Variants in SMG1 observed in about 807,000 individuals in gnomAD.
The protein encoded by SMG1 is SMG1 nonsense mediated mRNA decay associated PI3K related kinase.
A neutral mutation model predicts 419.9 loss-of-function variants in SMG1; 22 were observed. That is an observed-to-expected ratio of 0.05 (90% CI 0.04 to 0.07). SMG1 has a LOEUF of 0.07. SMG1 is among the 10% of genes least tolerant of loss of function. The pLI, the probability that SMG1 is intolerant of heterozygous loss-of-function variation, is 1.00. For synonymous variants in SMG1, 1,538 were observed against 1,553.5 expected (o/e 0.99, Z 0.23); for missense variants, 3,185 against 4,342.0 (o/e 0.73, Z 7.49).
Position 18,849,973 on chromosome 16 carries a change from T to C in SMG1, c.5437A>G (p.Thr1813Ala). The C allele has an allele frequency of 3.1e-6, 5 of 1,613,974 alleles. No individual in the cohort carries two copies. Among genetic ancestry groups the C allele is most frequent in the Middle Eastern group, 1.6e-4 (1 of 6,062 alleles). ...CCTCTCCATGGTGCAGTGGGTGTTG[T>C]CTCCAAGCCGTGCTCCAGATACTGC... ...LRQYLEHGLETTPTAPWRGII... is the reference protein window; with the variant it reads ...LRQYLEHGLEATPTAPWRGII... The change falls in exon 35 of 63, where the codon ACA (threonine) becomes GCA (alanine). Residue 1813 changes from threonine (T) to alanine (A), a missense_variant. Physicochemically the swap from Thr to Ala is moderately conservative, Grantham distance 58. Transcript: ENST00000446231.
rs752599289 is a variant in SMG1 at position 18,853,864 on chromosome 16, T to C, written c.4487A>G (p.Gln1496Arg). 7 of 1,606,304 alleles carry C rather than the reference T, an allele frequency of 4.4e-6. No individual in the cohort carries two copies. The Admixed American group carries it at 6.8e-5, about 16-fold the overall frequency. Reference protein sequence around the residue: ...EKTKLLYTAGQSTHAMEMLSS... With the variant: ...EKTKLLYTAGRSTHAMEMLSS... ...CAACATTTCCATTGCATGTGTTGACTGGCCTACAGAAAACCACAAAGTCAG... is the reference window on the plus strand; with the variant it reads ...CAACATTTCCATTGCATGTGTTGACCGGCCTACAGAAAACCACAAAGTCAG... The change falls in exon 31 of 63, where the codon CAG becomes CGG. Residue 1496 changes from glutamine (Q) to arginine (R), a missense_variant. Coordinates refer to ENST00000446231, the MANE Select transcript of SMG1 (RefSeq NM_015092.5).
chr16:18,879,208 T>C (rs2036277543), intron 11 of SMG1: 2 of 416,880 alleles, frequency 4.8e-6, no homozygotes, highest in Non-Finnish European at 9.0e-6. Context: ...CTCAAGTTCC[T>C]GGGCTTAATC....
chr16:18,812,653 CACACACACATATAT>C (rs2031567110), intron 60 of SMG1, among the ~76,000 whole-genome samples: 1 of 147,344 alleles, frequency 6.8e-6, no homozygotes, highest in African/African-American at 2.5e-5. Context: ...CATATACACA[CACACACACATATAT>C]ATATACACAC....
chr16:18,815,431 C>G lies in SMG1; in HGVS notation c.10514+9G>C, dbSNP rs748135452. On this transcript the variant is annotated intron_variant, in intron 59 of 62. Transcript: ENST00000446231. ...TGTTTTATAAATTCTGACCAGAAGG[C>G]ATTCTTACCTCTGACTTTGTGTTTT... 3 of 1,612,776 alleles carry G rather than the reference C, an allele frequency of 1.9e-6. No individual in the cohort carries two copies. Among genetic ancestry groups the G allele is most frequent in the Admixed American group, 1.7e-5 (1 of 60,006 alleles).
chr16:18,838,336 G>A (rs1185301661), intron 44 of SMG1, 21 bp downstream of exon 44: 2 of 1,604,612 alleles, frequency 1.2e-6, no homozygotes, highest in Non-Finnish European at 1.7e-6. Context: ...ACACTAAAAG[G>A]GAGAAGAGAA....
At chr16:18,913,930 C>A (rs2037878332) in intron 1 of SMG1, among the ~76,000 whole-genome samples, 1 of 151,942 alleles carries the variant, frequency 6.6e-6, no homozygotes. Flanking sequence ...CTTCGGGAAG[C>A]CAAGGCAGGG....
intron 1 of SMG1, among the ~76,000 whole-genome samples, chr16:18,909,037 A>T (rs1009790094): frequency 2.0e-5 from 3 of 151,706 alleles, no homozygotes; most frequent in African/African-American, 7.3e-5. Flanking sequence ...ACATATGTTA[A>T]ATCTTCTCTT....
chr16:18,829,217 A>G, intron 54 of SMG1, 69 bp downstream of exon 54: 2 of 1,315,000 alleles, frequency 1.5e-6, no homozygotes, highest in East Asian at 4.9e-5. Flanking sequence ...GTATTGTTTT[A>G]AATTAATTTC....
In SMG1 at chr16:18,853,802, C is replaced by T. The variant is rs976331235; in HGVS notation, c.4549G>A (p.Ala1517Thr). The stretch of plus-strand genomic sequence containing the variant: ...ATTGATTTAGCAACTGCATATTCAG[C>T]TTTCACAGACTTGCAGAAAGATATG... ...CAISFCKSVK[A>T]EYAVAKSILT... The change falls in exon 31 of 63, where the codon GCT becomes ACT. Residue 1517 changes from alanine to threonine, a missense_variant. By Grantham distance (58) the Ala-to-Thr change is moderately conservative. Transcript: ENST00000446231. 2 of 1,613,584 alleles carry T rather than the reference C, an allele frequency of 1.2e-6. No homozygotes were observed. Among genetic ancestry groups the T allele is most frequent in the Non-Finnish European group, 1.7e-6 (2 of 1,179,694 alleles).
chr16:18,853,925 G>A (rs898816356), intron 30 of SMG1, 58 bp from the exon 31 acceptor site: 3 of 1,425,944 alleles, frequency 2.1e-6, no homozygotes, highest in South Asian at 2.7e-5. Context: ...ATGGAGGGAG[G>A]CACTTGGATT....
At chr16:18,827,975 G>C (rs2141190062) in intron 55 of SMG1, 56 bp downstream of exon 55, 2 of 1,552,574 alleles carry the variant, frequency 1.3e-6, no homozygotes, top group Middle Eastern at 3.4e-4. Context: ...AACAATCATA[G>C]TATTGGTTAT....
Position 18,853,717 on chromosome 16 carries a change from T to C in SMG1, c.4634A>G (p.Gln1545Arg). The C allele has an allele frequency of 1.2e-6, 2 of 1,613,952 alleles. No individual in the cohort carries two copies. Among genetic ancestry groups the C allele is most frequent in the Non-Finnish European group, 1.7e-6 (2 of 1,179,858 alleles). Reference protein sequence around the residue: ...EWKEISGQLKQVYRAQHQQNF... With the variant: ...EWKEISGQLKRVYRAQHQQNF... ...CTGTTGGTGCTGAGCTCTGTAAACCTGTTTCAGCTGTCCTGAAATCTCTTT... is the reference window on the plus strand; with the variant it reads ...CTGTTGGTGCTGAGCTCTGTAAACCCGTTTCAGCTGTCCTGAAATCTCTTT... Residue 1545 changes from glutamine (Q) to arginine (R), a missense_variant, in exon 31 of 63, where the codon CAG (glutamine) becomes CGG (arginine). Physicochemically the swap from Gln to Arg is conservative, Grantham distance 43. Coordinates refer to ENST00000446231, the MANE Select transcript of SMG1 (RefSeq NM_015092.5).
At chr16:18,859,360 T>G (rs1249167264) in intron 27 of SMG1, 179 bp from the exon 28 acceptor site, 1 of 689,374 alleles carries the variant, frequency 1.5e-6, no homozygotes, top group Non-Finnish European at 2.4e-6. Flanking sequence ...TGGGGATTTT[T>G]ACATTTTATT....
chr16:18,811,209 C>T (rs989883490), intron 62 of SMG1, among the ~76,000 whole-genome samples: 1 of 152,142 alleles, frequency 6.6e-6, no homozygotes. Context: ...CAAGTCTACA[C>T]ACAGAATCCA....
At chr16:18,847,689 A>G (rs972475898) in intron 37 of SMG1, 82 bp from the exon 38 acceptor site, 83 of 1,572,274 alleles carry the variant, frequency 5.3e-5, no homozygotes, top group Non-Finnish European at 6.5e-5. Flanking sequence ...TTGTAAGTTA[A>G]GTGTGTGCAA....
intron 5 of SMG1, among the ~76,000 whole-genome samples, chr16:18,890,312 G>A (rs565013826): frequency 8.5e-5 from 13 of 152,150 alleles, no homozygotes; most frequent in African/African-American, 2.4e-4. Context: ...GTCAAGACTC[G>A]GTTATCCAGT....
intron 13 of SMG1, 170 bp downstream of exon 13, chr16:18,875,954 C>A: frequency 1.5e-6 from 1 of 676,854 alleles, no homozygotes; most frequent in Non-Finnish European, 2.5e-6. Context: ...AAATATAATG[C>A]CAAGAAAACA....
At chr16:18,916,244 G>A (rs530551379) in intron 1 of SMG1, among the ~76,000 whole-genome samples, 96 of 151,500 alleles carry the variant, frequency 6.3e-4, no homozygotes, top group South Asian at 4.0e-3. Context: ...GGCCAGGCAC[G>A]GTGGCTCACG....
intron 38 of SMG1, among the ~76,000 whole-genome samples, chr16:18,847,096 C>G (rs2141349989): frequency 6.6e-6 from 1 of 152,172 alleles, no homozygotes; most frequent in Middle Eastern, 3.4e-3. Flanking sequence ...AACCTTCGGG[C>G]CATTATTCTA....
Sources: allele counts gnomAD v4.1 joint callset (sites outside exome capture counted in the v4.1 genomes callset), GRCh38; gene constraint gnomAD v4.1.1; transcripts MANE v1.5; gene names NCBI Gene and HGNC (gene_info 2026-07-23, HGNC 2026-07-21).